NAV2: variants seen among roughly 807,000 people sequenced by gnomAD.
NAV2 encodes neuron navigator 2.
Under a neutral mutation model 223.2 loss-of-function variants are expected in NAV2, and 54 were observed. The ratio of observed to expected loss-of-function variants is 0.24; its 90% CI spans 0.19 to 0.30. The LOEUF is 0.30. Ranked by LOEUF, NAV2 falls within the 10% of genes least tolerant of loss-of-function variation. The pLI is 1.00. For missense variants in NAV2, 2,806 were observed against 3,147.5 expected (o/e 0.89, Z 2.60); for synonymous variants, 1,279 against 1,239.3 (o/e 1.03, Z -0.67).
At chr11:19,829,343 T>C (rs1330791933) in intron 1 of NAV2, among the ~76,000 whole-genome samples, 1 of 152,210 alleles carries the variant, frequency 6.6e-6, no homozygotes, top group Non-Finnish European at 1.5e-5. Context: ...TCTTTGACAC[T>C]GTGCCATACT....
intron 11 of NAV2, among the ~76,000 whole-genome samples, chr11:20,034,367 T>TC (rs879481179): frequency 4.0e-5 from 4 of 99,312 alleles, no homozygotes; most frequent in Non-Finnish European, 9.3e-5. Flanking sequence ...TTTTTGTTTT[T>TC]TTTTTTTTTT....
chr11:19,863,620 A>T (rs890843117), intron 3 of NAV2, among the ~76,000 whole-genome samples: 23 of 152,150 alleles, frequency 1.5e-4, no homozygotes, highest in Non-Finnish European at 3.1e-4. Flanking sequence ...CCTCTTCCTT[A>T]AGAAATTCTT....
intron 1 of NAV2, among the ~76,000 whole-genome samples, chr11:19,664,298 C>T (rs536157356): frequency 4.8e-4 from 73 of 152,316 alleles, no homozygotes; most frequent in African/African-American, 1.6e-3. Flanking sequence ...CACCTGGATA[C>T]AGGTCCTATA....
chr11:19,355,632 G>A (rs1392533431), intron 1 of NAV2, among the ~76,000 whole-genome samples: 3 of 152,158 alleles, frequency 2.0e-5, no homozygotes, highest in East Asian at 3.8e-4. Context: ...TAGTCTCACT[G>A]CTACCACCCT....
At position 20,095,735 on chromosome 11, in the gene NAV2, G is replaced by A. The variant is rs769603709; in HGVS notation, c.5980G>A (p.Val1994Met). The A allele has an allele frequency of 9.3e-6, 15 of 1,614,088 alleles. No homozygotes were observed. The highest frequency in any genetic ancestry group is 5.0e-5 in the Admixed American group (3 of 60,018). The change falls in exon 30 of 38, where the codon GTG (valine) becomes ATG (methionine). Residue 1994 changes from valine (V) to methionine (M), a missense_variant. Val to Met is a conservative substitution (Grantham distance 21, BLOSUM62 1). Coordinates refer to ENST00000349880, the MANE Select transcript of NAV2 (RefSeq NM_145117.5). ...IGVSGKTKWD[V>M]LDGVVRRLFK... ...AGTTAGTGGCAAGACGAAGTGGGAT[G>A]TGCTCGATGGGGTGGTTAGACGGCT...
At chr11:19,943,788 G>A (rs2046603183) in intron 8 of NAV2, among the ~76,000 whole-genome samples, 1 of 152,102 alleles carries the variant, frequency 6.6e-6, no homozygotes, top group African/African-American at 2.4e-5. Context: ...ACCCATGATT[G>A]TGCTTCCTCA....
intron 1 of NAV2, among the ~76,000 whole-genome samples, chr11:19,486,352 G>A (rs2042445358): frequency 6.6e-6 from 1 of 151,988 alleles, no homozygotes; most frequent in Non-Finnish European, 1.5e-5. Context: ...GGTCTTTCTG[G>A]TACTTCTGCC....
chr11:19,761,563 T>A lies in NAV2; in HGVS notation c.267+47601T>A, dbSNP rs376239297. On this transcript the variant is annotated intron_variant, in intron 1 of 37. Transcript: ENST00000349880. Reference sequence around the variant, plus strand: ...AACACAAAGGCTCCAGGTGAGGACATCTGTGGCTTTTCAATCAACACAACA... The same window carrying A: ...AACACAAAGGCTCCAGGTGAGGACAACTGTGGCTTTTCAATCAACACAACA... 1.5e-4 allele frequency among the ~76,000 whole-genome samples: 23 copies of A among 152,222 alleles called. No individual in the cohort carries two copies. The East Asian group carries it at 1.5e-3, about 10-fold the overall frequency.
At chr11:19,430,819 G>A (rs1347745729) in intron 1 of NAV2, among the ~76,000 whole-genome samples, 6 of 152,274 alleles carry the variant, frequency 3.9e-5, no homozygotes, top group South Asian at 4.2e-4. Flanking sequence ...GGAAAGGTCC[G>A]CTCCTCAGAG....
chr11:19,795,632 TC>T (rs2057827169), intron 1 of NAV2, among the ~76,000 whole-genome samples: 1 of 152,220 alleles, frequency 6.6e-6, no homozygotes, highest in Admixed American at 6.5e-5. Context: ...CTCTTATTGA[TC>T]AGAGAGAAAG....
intron 1 of NAV2, among the ~76,000 whole-genome samples, chr11:19,393,036 G>A (rs935955803): frequency 2.6e-5 from 4 of 152,176 alleles, no homozygotes; most frequent in Admixed American, 1.3e-4. Context: ...TTGTTGGTGC[G>A]TTGTTCCCTG....
chr11:19,808,757 G>C (rs1220898977), intron 1 of NAV2, among the ~76,000 whole-genome samples: 1 of 152,178 alleles, frequency 6.6e-6, no homozygotes, highest in Non-Finnish European at 1.5e-5. Flanking sequence ...CCAGTCATAT[G>C]GGGGATATTT....
chr11:19,758,891 AACCCC>A (rs1230133298), intron 1 of NAV2, among the ~76,000 whole-genome samples: 8 of 152,082 alleles, frequency 5.3e-5, no homozygotes, highest in Admixed American at 4.6e-4. Context: ...CCTTTTCCAC[AACCCC>A]CAGGAGGTCA....
intron 6 of NAV2, among the ~76,000 whole-genome samples, chr11:19,910,647 T>C (rs2043226865): frequency 6.6e-6 from 1 of 152,106 alleles, no homozygotes; most frequent in Non-Finnish European, 1.5e-5. Context: ...TTGCCTGAGC[T>C]CAGGAGTCCA....
chr11:19,744,630 A>G (rs947588495), intron 1 of NAV2, among the ~76,000 whole-genome samples: 1 of 152,188 alleles, frequency 6.6e-6, no homozygotes, highest in African/African-American at 2.4e-5. Context: ...GTTTTCTCCA[A>G]CCAACCTCAC....
At chr11:19,819,319 T>A (rs184172768) in intron 1 of NAV2, among the ~76,000 whole-genome samples, 1 of 152,232 alleles carries the variant, frequency 6.6e-6, no homozygotes, top group African/African-American at 2.4e-5. Context: ...GGGACTGACA[T>A]TTACTTTGCT....
At chr11:19,708,170 GA>G (rs1003172797), upstream of NAV2, among the ~76,000 whole-genome samples, 1 of 152,142 alleles carries the variant, frequency 6.6e-6, no homozygotes, top group Admixed American at 6.5e-5. Context: ...GTGAGTAGAT[GA>G]GCAGACTTTC....
At chr11:20,062,386 T>C (rs781346520) in intron 20 of NAV2, 27 bp downstream of exon 20, 1 of 1,578,716 alleles carries the variant, frequency 6.3e-7, no homozygotes, top group Admixed American at 1.8e-5. Context: ...GCTGTGTGGC[T>C]GTGATCATGA....
At chr11:19,815,652 G>A (rs546313178) in intron 1 of NAV2, among the ~76,000 whole-genome samples, 1 of 152,278 alleles carries the variant, frequency 6.6e-6, no homozygotes, top group South Asian at 2.1e-4. Flanking sequence ...CCTGATTTTT[G>A]TAACTGCCTT....
Sources: gnomAD v4.1 joint callset for allele counts (sites outside exome capture counted in the v4.1 genomes callset) on GRCh38, gnomAD v4.1.1 for gene constraint, MANE v1.5 for transcripts, NCBI Gene and HGNC (gene_info 2026-07-23, HGNC 2026-07-21) for gene names.